NOL4: variants seen among roughly 807,000 people sequenced by gnomAD.
NOL4 encodes the protein nucleolar protein 4.
NOL4 carries 17 observed loss-of-function variants against 75.9 expected under a neutral mutation model. That is an observed-to-expected ratio of 0.22 (90% CI 0.15 to 0.34). The LOEUF (loss-of-function observed/expected upper bound fraction) is 0.34. Ranked by LOEUF, NOL4 falls within the 10% of genes least tolerant of loss-of-function variation. The probability of loss-of-function intolerance (pLI) is 1.00; values close to 1 mark genes in which losing one functional copy is unlikely to be tolerated. For synonymous variants in NOL4, 292 were observed against 289.9 expected, an observed-to-expected ratio of 1.01 and a Z score of -0.07; for missense variants, 614 against 793.5, an observed-to-expected ratio of 0.77 and a Z score of 2.72.
At chr18:34,220,578 T>G (rs1029650224) in intron 1 of NOL4, among the ~76,000 whole-genome samples, 6 of 152,192 alleles carry the variant, frequency 3.9e-5, no homozygotes, top group Admixed American at 3.9e-4. Context: ...TAATTTGAAA[T>G]GTAGGGAAAC....
chr18:33,861,299 C>A (rs2063113231), intron 10 of NOL4, among the ~76,000 whole-genome samples: 1 of 152,134 alleles, frequency 6.6e-6, no homozygotes, highest in African/African-American at 2.4e-5. Context: ...TGGATTATTG[C>A]CACAATTTCA....
At chr18:33,894,274 T>C (rs1182247066) in intron 9 of NOL4, among the ~76,000 whole-genome samples, 2 of 152,068 alleles carry the variant, frequency 1.3e-5, no homozygotes, top group African/African-American at 4.8e-5. Context: ...TTAAAGGGAA[T>C]GTGATTATTA....
At chr18:34,217,325 C>G (rs1189312591) in intron 1 of NOL4, among the ~76,000 whole-genome samples, 1 of 151,754 alleles carries the variant, frequency 6.6e-6, no homozygotes, top group Non-Finnish European at 1.5e-5. Context: ...CACTCTGTTG[C>G]CCAGGCTGGA....
rs890471029 is a variant in NOL4 at position 34,223,040 on chromosome 18, C to A, written c.214G>T (p.Gly72Trp). The A allele has an allele frequency of 1.2e-6, 2 of 1,613,500 alleles. No individual in the cohort carries two copies. The highest frequency in any genetic ancestry group is 2.2e-5 in the South Asian group (2 of 91,078). ...FQLGQPDEVR[G>W]GGGGAKQVLY... The stretch of plus-strand genomic sequence containing the variant: ...ACTTGCTTGGCGCCGCCGCCTCCCC[C>A]GCGGACCTCGTCCGGCTGGCCCAGC... The change falls in exon 1 of 11, where the codon GGG becomes TGG. Residue 72 changes from glycine to tryptophan, a missense_variant. Physicochemically the swap from Gly to Trp is radical, Grantham distance 184. Around this residue, in one of 9 missense-constraint regions of NOL4, gnomAD observed 49 missense variants for 39.6 expected, o/e 1.24. Coordinates refer to ENST00000261592, the MANE Select transcript of NOL4 (RefSeq NM_003787.5).
At chr18:34,222,395 C>G in intron 1 of NOL4, 3 of 1,143,744 alleles carry the variant, frequency 2.6e-6, no homozygotes, top group African/African-American at 1.6e-5. Context: ...TCTCAACAGT[C>G]GCGGCAACGA....
chr18:34,117,847 T>C (rs1016236646), intron 2 of NOL4, among the ~76,000 whole-genome samples: 49 of 152,320 alleles, frequency 3.2e-4, no homozygotes, highest in African/African-American at 1.1e-3. Flanking sequence ...TTGAAGCTAA[T>C]GTGCGAGCTG....
intron 9 of NOL4, among the ~76,000 whole-genome samples, chr18:33,905,892 A>G (rs1438733983): frequency 2.6e-5 from 4 of 152,178 alleles, no homozygotes; most frequent in Non-Finnish European, 5.9e-5. Flanking sequence ...AACCAGTAGT[A>G]CCCAGATGGG....
intron 6 of NOL4, among the ~76,000 whole-genome samples, chr18:34,006,838 G>C (rs958656113): frequency 6.6e-6 from 1 of 151,942 alleles, no homozygotes; most frequent in Admixed American, 6.6e-5. Flanking sequence ...TGAATACCTC[G>C]AAGGGCTGGG....
intron 9 of NOL4, among the ~76,000 whole-genome samples, chr18:33,903,500 C>G (rs1172400242): frequency 6.6e-6 from 1 of 152,120 alleles, no homozygotes; most frequent in Non-Finnish European, 1.5e-5. Flanking sequence ...CATATCTCAT[C>G]TAAAGAAGGC....
chr18:34,205,103 G>T (rs1346777806), intron 1 of NOL4, among the ~76,000 whole-genome samples: 1 of 152,118 alleles, frequency 6.6e-6, no homozygotes, highest in Non-Finnish European at 1.5e-5. Flanking sequence ...AAATGTTTAA[G>T]TCCTGGATTT....
rs55773398 is a variant in NOL4, at chr18:34,059,122, CATATATATAT to C, written c.772+34333_772+34342del. Among the ~76,000 whole-genome samples, 1,016 of 118,204 alleles carry C rather than the reference CATATATATAT, an allele frequency of 8.6e-3. 20 individuals are homozygous for C. Among genetic ancestry groups the C allele is most frequent in the African/African-American group, 0.022 (703 of 32,496 alleles). 77.5% of individuals were successfully genotyped at this position (118,204 alleles called of 152,430 possible). A position where few individuals can be genotyped will look rare whatever the true frequency, so the allele number is the denominator to read the frequency against. ...ATATATAGAGAGATAGATAGATATA[CATATATATAT>C]ATATATATATATATATATATATATA... On this transcript the variant is annotated intron_variant, in intron 5 of 10. Transcript: ENST00000261592.
At chr18:34,201,461 T>A (rs1053318610) in intron 1 of NOL4, among the ~76,000 whole-genome samples, 1 of 151,848 alleles carries the variant, frequency 6.6e-6, no homozygotes, top group African/African-American at 2.4e-5. Context: ...TGGAAATTAA[T>A]GGTAGGAATT....
At chr18:33,913,525 T>C (rs1470825737) in intron 9 of NOL4, among the ~76,000 whole-genome samples, 2 of 152,294 alleles carry the variant, frequency 1.3e-5, no homozygotes, top group South Asian at 2.1e-4. Flanking sequence ...ACCTTTTTAA[T>C]AGTTCCATCA....
At chr18:33,908,171 T>C (rs1403145619) in intron 9 of NOL4, among the ~76,000 whole-genome samples, 4 of 152,198 alleles carry the variant, frequency 2.6e-5, no homozygotes, top group African/African-American at 4.8e-5. Flanking sequence ...TTACCCAACA[T>C]TGGTGTTCTC....
chr18:34,137,774 C>T (rs939663995), intron 1 of NOL4, among the ~76,000 whole-genome samples: 7 of 48,826 alleles, frequency 1.4e-4, no homozygotes, highest in East Asian at 6.1e-4. Context: ...CATGTATATA[C>T]GAAATACACA....
intron 5 of NOL4, among the ~76,000 whole-genome samples, chr18:34,029,890 C>A (rs1463549166): frequency 1.3e-5 from 2 of 151,968 alleles, no homozygotes; most frequent in Non-Finnish European, 2.9e-5. Context: ...AACATAATAA[C>A]CAATTTTCAA....
chr18:34,198,230 T>C (rs1397978701), intron 1 of NOL4, among the ~76,000 whole-genome samples: 2 of 151,922 alleles, frequency 1.3e-5, no homozygotes. Context: ...TCTACTTTTT[T>C]TATTAAACAC....
At position 34,015,320 on chromosome 18, in the gene NOL4, T is replaced by A. The variant is rs778317327; in HGVS notation, c.1056+3998A>T. 3.3e-5 allele frequency among the ~76,000 whole-genome samples: 5 copies of A among 152,038 alleles called. No individual in the cohort carries two copies. The South Asian group carries it at 6.2e-4, about 19-fold the overall frequency. ...TGTCTTCAATCAAATTTCCCACTAA[T>A]TCTGTTAGTGTTTCTTCTGCCATGT... On this transcript the variant is annotated intron_variant, in intron 6 of 10. Transcript: ENST00000261592.
intron 2 of NOL4, among the ~76,000 whole-genome samples, chr18:34,115,202 T>C (rs1466476376): frequency 6.6e-6 from 1 of 152,164 alleles, no homozygotes; most frequent in Admixed American, 6.5e-5. Context: ...CTGTGGGCCC[T>C]AGTGAGCACA....
Sources: allele counts gnomAD v4.1 joint callset (sites outside exome capture counted in the v4.1 genomes callset), GRCh38; gene constraint gnomAD v4.1.1; regional missense constraint gnomAD v4.1.1; transcripts MANE v1.5; gene names NCBI Gene and HGNC (gene_info 2026-07-23, HGNC 2026-07-21).